Variants in CFAP20DC observed in about 807,000 individuals in gnomAD.
CFAP20DC encodes the protein CFAP20 domain containing, also known as protein CFAP20DC.
In CFAP20DC, 84 loss-of-function variants were observed where a neutral mutation model predicts 101.7. The ratio of observed to expected loss-of-function variants is 0.83; its 90% CI spans 0.69 to 0.99. The LOEUF (loss-of-function observed/expected upper bound fraction) is 0.99. CFAP20DC is among the 50% of genes least tolerant of loss of function. The pLI is 0.00. For missense variants in CFAP20DC, 1,007 were observed against 970.3 expected (o/e 1.04, Z -0.50); for synonymous variants, 359 against 351.2 (o/e 1.02, Z -0.25).
downstream of CFAP20DC, among the ~76,000 whole-genome samples, chr3:58,741,120 A>G (rs2067871645): frequency 6.6e-6 from 1 of 152,236 alleles, no homozygotes; most frequent in Non-Finnish European, 1.5e-5. Context: ...TAGTACCACC[A>G]TTAAATCCAA....
chr3:58,926,928 C>T (rs1452918336), intron 5 of CFAP20DC, among the ~76,000 whole-genome samples: 1 of 152,136 alleles, frequency 6.6e-6, no homozygotes, highest in Non-Finnish European at 1.5e-5. Flanking sequence ...TGGAATTAAA[C>T]TTACTGTACA....
intron 15 of CFAP20DC, among the ~76,000 whole-genome samples, chr3:58,772,867 C>A (rs1468128787): frequency 1.3e-5 from 2 of 152,074 alleles, no homozygotes; most frequent in Non-Finnish European, 2.9e-5. Flanking sequence ...AATGTATTTT[C>A]TAATATATGC....
At chr3:58,796,481 G>A (rs569220308) in intron 15 of CFAP20DC, among the ~76,000 whole-genome samples, 3 of 152,266 alleles carry the variant, frequency 2.0e-5, no homozygotes, top group South Asian at 2.1e-4. Context: ...GCTGTGGATC[G>A]GGGAGGAAAG....
Position 59,006,150 on chromosome 3 carries a change from T to C in CFAP20DC, c.278+33407A>G, listed in dbSNP as rs866951398. Among the ~76,000 whole-genome samples, 1 of 152,116 alleles carries C rather than the reference T, an allele frequency of 6.6e-6. No individual in the cohort carries two copies. Among genetic ancestry groups the C allele is most frequent in the African/African-American group, 2.4e-5 (1 of 41,408 alleles). Reference sequence around the variant, plus strand: ...ATGGAAGGATGGATGGATGGATGGATGGATGGACGGGGAGGAGGGGCGAAT... The same window carrying C: ...ATGGAAGGATGGATGGATGGATGGACGGATGGACGGGGAGGAGGGGCGAAT... On this transcript the variant is annotated intron_variant, in intron 4 of 16. Coordinates refer to ENST00000482387, the MANE Select transcript of CFAP20DC (RefSeq NM_001394063.1). This position sits in a 1 kb window ranked among gnomAD's most constrained non-coding sequence, Gnocchi z 4.3.
Position 58,722,645 on chromosome 3 carries a change from G to A in CFAP20DC, c.198-5017C>T, listed in dbSNP as rs968943800. Among the ~76,000 whole-genome samples, 12 of 152,296 alleles carry A rather than the reference G, an allele frequency of 7.9e-5. 1 individual carries two copies. The South Asian group carries it at 1.0e-3, about 13-fold the overall frequency. On this transcript the variant is annotated intron_variant, in intron 3 of 3. Transcript: ENST00000486145. The surrounding 1 kb of genome is among the most constrained non-coding windows in gnomAD (Gnocchi z 4.5). ...TAAACAGGTCACTCCCACAGTTCTCGTTTGCCTTTTCCCAGATGTGAAAGT... is the reference window on the plus strand; with the variant it reads ...TAAACAGGTCACTCCCACAGTTCTCATTTGCCTTTTCCCAGATGTGAAAGT...
intron 16 of CFAP20DC, among the ~76,000 whole-genome samples, chr3:58,750,333 T>C (rs1479833257): frequency 6.6e-6 from 1 of 152,164 alleles, no homozygotes; most frequent in Admixed American, 6.5e-5. Context: ...CCATCTCTGA[T>C]AGAGGTATGA....
chr3:59,000,603 G>T (rs931373202), intron 4 of CFAP20DC, among the ~76,000 whole-genome samples: 1 of 152,160 alleles, frequency 6.6e-6, no homozygotes, highest in African/African-American at 2.4e-5. Context: ...ATATTTCAGG[G>T]CCTGTCAAGT....
chr3:58,769,686 T>G (rs1363294481), intron 15 of CFAP20DC, among the ~76,000 whole-genome samples: 2 of 151,856 alleles, frequency 1.3e-5, no homozygotes, highest in Non-Finnish European at 2.9e-5. Flanking sequence ...GCCAGACATG[T>G]CTCCCCTCCT....
chr3:58,759,161 A>C (rs901374632), intron 15 of CFAP20DC, among the ~76,000 whole-genome samples: 7 of 152,040 alleles, frequency 4.6e-5, no homozygotes, highest in Admixed American at 1.3e-4. Context: ...CCAACAGTGT[A>C]AAAGTGTTCC....
chr3:58,794,627 C>T (rs1268792023), intron 15 of CFAP20DC, among the ~76,000 whole-genome samples: 2 of 152,068 alleles, frequency 1.3e-5, no homozygotes, highest in Non-Finnish European at 2.9e-5. Flanking sequence ...AAAAAAATTA[C>T]AGGGAAGAAG....
At chr3:58,946,113 A>AT (rs57865077) in intron 4 of CFAP20DC, among the ~76,000 whole-genome samples, 1,444 of 123,786 alleles carry the variant, frequency 0.012, 18 homozygotes, top group South Asian at 0.042. Flanking sequence ...AACTGCCCCA[A>AT]TTTTTTTTTT....
chr3:58,752,560 T>G (rs1192212390), intron 16 of CFAP20DC, among the ~76,000 whole-genome samples: 1 of 152,174 alleles, frequency 6.6e-6, no homozygotes, highest in African/African-American at 2.4e-5. Context: ...TTCCTGTGGC[T>G]TATTTAGGAC....
At chr3:58,849,492 C>A in intron 12 of CFAP20DC, 83 bp from the exon 13 acceptor site, 3 of 1,056,614 alleles carry the variant, frequency 2.8e-6, no homozygotes, top group East Asian at 2.6e-5. Context: ...TTAATAAATT[C>A]ATATTTTCTA....
At chr3:58,933,052 G>A (rs2086948626) in intron 5 of CFAP20DC, among the ~76,000 whole-genome samples, 1 of 152,026 alleles carries the variant, frequency 6.6e-6, no homozygotes, top group Admixed American at 6.6e-5. Flanking sequence ...ACACACATAG[G>A]CTCAAAATAA....
intron 15 of CFAP20DC, among the ~76,000 whole-genome samples, chr3:58,762,969 C>T (rs570848788): frequency 6.6e-6 from 1 of 152,332 alleles, no homozygotes; most frequent in Admixed American, 6.5e-5. Context: ...CTGCCCTTAA[C>T]ATTTTTTCCT....
intron 15 of CFAP20DC, among the ~76,000 whole-genome samples, chr3:58,779,212 T>A (rs962585374): frequency 6.6e-6 from 1 of 151,828 alleles, no homozygotes; most frequent in Non-Finnish European, 1.5e-5. Context: ...AAAAACAATA[T>A]AAAAATATCA....
At position 58,761,274 on chromosome 3, in the gene CFAP20DC, G is replaced by A. The variant is rs552003773; in HGVS notation, c.2238-7411C>T. On this transcript the variant is annotated intron_variant, in intron 15 of 16. Transcript: ENST00000482387. ...CTGGTTTAGTCTTGGGAGGGTGTAT[G>A]TGTCGAGGAATTTATCCATTTCTTC... is the stretch of plus-strand genomic sequence containing the variant. 2.2e-3 allele frequency among the ~76,000 whole-genome samples: 331 copies of A among 152,272 alleles called. 4 individuals carry two copies. The highest frequency in any genetic ancestry group is 7.6e-3 in the African/African-American group (316 of 41,544).
At position 58,869,418 on chromosome 3, in the gene CFAP20DC, T is replaced by G; in HGVS notation, c.925A>C (p.Thr309Pro). The G allele has an allele frequency of 2.5e-6, 4 of 1,613,932 alleles. No individual in the cohort carries two copies. The highest frequency in any genetic ancestry group is 3.4e-6 in the Non-Finnish European group (4 of 1,179,840). Reference protein sequence around the residue: ...PSTVEKCVNGTEMSALLIPES... With the variant: ...PSTVEKCVNGPEMSALLIPES... ...GGTATCAGCAAGGCTGACATTTCTG[T>G]ACCATTAACACACTTCTCTACAGTG... The change falls in exon 9 of 17, where the codon ACA becomes CCA. Residue 309 changes from threonine to proline, a missense_variant. Thr to Pro is a conservative substitution (Grantham distance 38). Transcript: ENST00000482387. The surrounding 1 kb of genome is among the most constrained non-coding windows in gnomAD (Gnocchi z 4.3).
chr3:58,720,583 C>G (rs962696819), intron 3 of CFAP20DC, among the ~76,000 whole-genome samples: 1 of 152,142 alleles, frequency 6.6e-6, no homozygotes, highest in Non-Finnish European at 1.5e-5. Context: ...GATAGTGCTG[C>G]CAGTCGCACA....
Sources: allele counts gnomAD v4.1 joint callset (sites outside exome capture counted in the v4.1 genomes callset), GRCh38; gene constraint gnomAD v4.1.1; non-coding constraint Gnocchi (gnomAD v3.1); transcripts MANE v1.5; gene names NCBI Gene and HGNC (gene_info 2026-07-23, HGNC 2026-07-21).